Variants in LRMDA observed in about 807,000 individuals in gnomAD.
LRMDA encodes the protein leucine rich melanocyte differentiation associated, also known as leucine-rich melanocyte differentiation-associated protein.
Under a neutral mutation model 29.8 loss-of-function variants are expected in LRMDA, and 18 were observed. The observed-to-expected ratio is 0.60, with a 90% CI of 0.42 to 0.90. The LOEUF is 0.90. Ranked by LOEUF, LRMDA falls within the 40% of genes least tolerant of loss-of-function variation. The pLI, the probability that LRMDA is intolerant of heterozygous loss-of-function variation, is 0.00. For synonymous variants in LRMDA, 125 were observed against 109.4 expected, an observed-to-expected ratio of 1.14 and a Z score of -0.89; for missense variants, 273 against 273.9, an observed-to-expected ratio of 1.00 and a Z score of 0.02.
rs141051227 is a variant in LRMDA at position 76,506,367 on chromosome 10, C to T, written c.602-50842C>T. Among the ~76,000 whole-genome samples, 868 of 152,188 alleles carry T rather than the reference C, an allele frequency of 5.7e-3. 3 individuals are homozygous for T. The highest frequency in any genetic ancestry group is 0.01 in the Middle Eastern group (3 of 294). On this transcript the variant is annotated intron_variant, in intron 6 of 6. Coordinates refer to ENST00000611255, the MANE Select transcript of LRMDA (RefSeq NM_001305581.2). ...TTAGACATTCAGGTCCTAAATATTACCTTTGCATATTCAGTATACACCAGC... is the reference window on the plus strand; with the variant it reads ...TTAGACATTCAGGTCCTAAATATTATCTTTGCATATTCAGTATACACCAGC...
intron 2 of LRMDA, among the ~76,000 whole-genome samples, chr10:75,580,904 A>G (rs1299837222): frequency 6.6e-6 from 1 of 152,244 alleles, no homozygotes; most frequent in African/African-American, 2.4e-5. Flanking sequence ...CTTACACTTT[A>G]TACAAAAATT....
intron 2 of LRMDA, among the ~76,000 whole-genome samples, chr10:75,714,688 A>G (rs559773331): frequency 2.0e-5 from 3 of 152,310 alleles, no homozygotes; most frequent in African/African-American, 7.2e-5. Flanking sequence ...TTTTTCCTAT[A>G]TAAATGTAAC....
intron 5 of LRMDA, among the ~76,000 whole-genome samples, chr10:76,134,980 C>G (rs754943472): frequency 3.7e-4 from 56 of 152,116 alleles, no homozygotes; most frequent in Non-Finnish European, 5.0e-4. Context: ...TTTCTGCGGC[C>G]TTTGAAAATT....
intron 5 of LRMDA, among the ~76,000 whole-genome samples, chr10:76,240,355 C>A (rs1333751076): frequency 1.3e-5 from 2 of 148,942 alleles, no homozygotes; most frequent in Non-Finnish European, 3.0e-5. Context: ...ATCATATGTT[C>A]TCATTCACCA....
At chr10:75,708,583 A>G (rs1160021138) in intron 2 of LRMDA, among the ~76,000 whole-genome samples, 2 of 152,262 alleles carry the variant, frequency 1.3e-5, no homozygotes, top group East Asian at 3.9e-4. Context: ...GGCTCTCGTC[A>G]TCAAAGCGAT....
chr10:75,959,634 C>T (rs1017986672), intron 2 of LRMDA, among the ~76,000 whole-genome samples: 3 of 152,198 alleles, frequency 2.0e-5, no homozygotes, highest in Middle Eastern at 3.4e-3. Context: ...AAGGCCTCTA[C>T]GATATATATG....
intron 5 of LRMDA, among the ~76,000 whole-genome samples, chr10:76,295,178 A>G (rs1328777653): frequency 2.0e-5 from 3 of 152,212 alleles, no homozygotes; most frequent in Non-Finnish European, 4.4e-5. Flanking sequence ...GTTTTGGCAC[A>G]ATGTAAGAAG....
intron 6 of LRMDA, chr10:76,464,709 C>CT (rs2132311509): frequency 6.6e-6 from 1 of 152,278 alleles, no homozygotes; most frequent in South Asian, 2.1e-4. Flanking sequence ...CTTAAAATGT[C>CT]TGAAACATTT....
At chr10:76,445,356 T>C (rs1426711039) in intron 6 of LRMDA, among the ~76,000 whole-genome samples, 1 of 152,202 alleles carries the variant, frequency 6.6e-6, no homozygotes, top group Admixed American at 6.5e-5. Flanking sequence ...CCCTCTTTGC[T>C]TCAGGGTCTT....
chr10:76,011,869 T>C (rs1322752213), intron 2 of LRMDA, among the ~76,000 whole-genome samples: 1 of 152,174 alleles, frequency 6.6e-6, no homozygotes, highest in Admixed American at 6.5e-5. Context: ...TGACTTCCCA[T>C]GTCTCCAGAT....
At chr10:75,642,104 G>A (rs188055416) in intron 2 of LRMDA, among the ~76,000 whole-genome samples, 207 of 152,278 alleles carry the variant, frequency 1.4e-3, no homozygotes, top group Non-Finnish European at 2.6e-3. Context: ...TGAGAAGGGG[G>A]TAAAGAAACA....
At chr10:75,782,964 GC>G in intron 2 of LRMDA, 1 of 1,613,928 alleles carries the variant, frequency 6.2e-7, no homozygotes. Context: ...CAATATCTTT[GC>G]CTTGAAATGA....
intron 2 of LRMDA, among the ~76,000 whole-genome samples, chr10:75,441,324 T>G (rs1037880113): frequency 6.6e-6 from 1 of 152,162 alleles, no homozygotes; most frequent in Admixed American, 6.5e-5. Context: ...ACACCGCAGC[T>G]CCCTGACCAT....
intron 2 of LRMDA, among the ~76,000 whole-genome samples, chr10:75,487,019 TAC>T (rs1465546356): frequency 1.8e-4 from 28 of 152,202 alleles, no homozygotes; most frequent in Admixed American, 5.9e-4. Flanking sequence ...ACAGAAGAAT[TAC>T]AGTGTCTGAT....
chr10:75,827,420 T>C (rs1429781304), intron 2 of LRMDA, among the ~76,000 whole-genome samples: 1 of 152,202 alleles, frequency 6.6e-6, no homozygotes, highest in Non-Finnish European at 1.5e-5. Context: ...TTAAACACAA[T>C]TGCCATCCTC....
chr10:75,462,897 T>C (rs1284035478), intron 2 of LRMDA, among the ~76,000 whole-genome samples: 1 of 152,212 alleles, frequency 6.6e-6, no homozygotes, highest in African/African-American at 2.4e-5. Flanking sequence ...TTCGGTTATA[T>C]TCCTATCTGA....
intron 2 of LRMDA, among the ~76,000 whole-genome samples, chr10:75,856,130 C>T (rs1376685234): frequency 6.6e-6 from 1 of 152,114 alleles, no homozygotes; most frequent in African/African-American, 2.4e-5. Context: ...ATGGGGATGG[C>T]ATTGAATCTA....
At chr10:76,361,840 C>T (rs1841316859) in intron 6 of LRMDA, among the ~76,000 whole-genome samples, 1 of 152,136 alleles carries the variant, frequency 6.6e-6, no homozygotes, top group Non-Finnish European at 1.5e-5. Flanking sequence ...GGAAATCTAC[C>T]ATCCATTTTC....
chr10:76,316,301 C>T (rs566025699), intron 5 of LRMDA, among the ~76,000 whole-genome samples: 10 of 152,322 alleles, frequency 6.6e-5, no homozygotes, highest in Non-Finnish European at 1.3e-4. Flanking sequence ...TGCAGGACGC[C>T]TGGTCCAGAT....
Sources: allele counts gnomAD v4.1 joint callset (sites outside exome capture counted in the v4.1 genomes callset), GRCh38; gene constraint gnomAD v4.1.1; transcripts MANE v1.5; gene names NCBI Gene and HGNC (gene_info 2026-07-23, HGNC 2026-07-21).